Variants in GNA15 observed in about 807,000 individuals in gnomAD.
GNA15 encodes G protein subunit alpha 15.
A neutral mutation model predicts 40.1 loss-of-function variants in GNA15; 23 were observed. That is an observed-to-expected ratio of 0.57 (90% CI 0.41 to 0.81). GNA15 has a LOEUF of 0.81. GNA15 is among the 40% of genes least tolerant of loss of function. GNA15 has a pLI of 0.00. For missense variants in GNA15, 522 were observed against 515.8 expected, an observed-to-expected ratio of 1.01 and a Z score of -0.12; for synonymous variants, 226 against 210.4, an observed-to-expected ratio of 1.07 and a Z score of -0.64.
At chr19:3,161,471 C>G (rs1340376477) in intron 6 of GNA15, among the ~76,000 whole-genome samples, 2 of 152,142 alleles carry the variant, frequency 1.3e-5, no homozygotes, top group Non-Finnish European at 2.9e-5. Context: ...CTGGTCTTGT[C>G]ATGTCTCAGA....
At position 3,136,563 on chromosome 19, in the gene GNA15, A is replaced by G. The variant is rs369043343; in HGVS notation, c.113A>G (p.Gln38Arg). Residue 38 changes from glutamine (Q) to arginine (R), a missense_variant, in exon 1 of 7, where the codon CAG (glutamine) becomes CGG (arginine). Coordinates refer to ENST00000262958, the MANE Select transcript of GNA15 (RefSeq NM_002068.4). This position sits in a 1 kb window ranked among gnomAD's most constrained non-coding sequence, Gnocchi z 4.9. ...AGGATCCTCTTGGAGCAGAAGAAGC[A>G]GGACCGCGGGGAGCTGAAGCTGCTG... ...INRILLEQKK[Q>R]DRGELKLLLL... 1.0e-5 allele frequency: 16 copies of G among 1,566,154 alleles called. No homozygotes were observed. The African/African-American group carries it at 1.4e-4, about 13-fold the overall frequency.
intron 6 of GNA15, among the ~76,000 whole-genome samples, chr19:3,161,991 C>T (rs372610656): frequency 6.6e-6 from 1 of 151,768 alleles, no homozygotes; most frequent in Non-Finnish European, 1.5e-5. Flanking sequence ...TGAGATCATG[C>T]CACTTCACTC....
chr19:3,144,144 A>T (rs1352713655), intron 1 of GNA15, among the ~76,000 whole-genome samples: 1 of 149,926 alleles, frequency 6.7e-6, no homozygotes, highest in African/African-American at 2.5e-5. Context: ...AAAAAAAAAG[A>T]GTTGTCCCCC....
intron 1 of GNA15, among the ~76,000 whole-genome samples, chr19:3,145,359 A>ATATATATATATATATATT: frequency 3.6e-4 from 17 of 46,954 alleles, no homozygotes; most frequent in East Asian, 1.5e-3. Context: ...ATATATATAT[A>ATATATATATATATATATT]TTTTTTTTTT....
At chr19:3,145,359 A>ATATATTT in intron 1 of GNA15, among the ~76,000 whole-genome samples, 1,447 of 46,918 alleles carry the variant, frequency 0.031, 47 homozygotes, top group Middle Eastern at 0.045. Context: ...ATATATATAT[A>ATATATTT]TTTTTTTTTT....
intron 4 of GNA15, among the ~76,000 whole-genome samples, chr19:3,153,799 G>C (rs1490139429): frequency 6.6e-6 from 1 of 150,800 alleles, no homozygotes; most frequent in African/African-American, 2.4e-5. Flanking sequence ...TGGGTGGCAG[G>C]TGATGGATGA....
chr19:3,151,827 C>G lies in GNA15; in HGVS notation c.606C>G (p.Thr202=). The G allele has an allele frequency of 6.2e-7, 1 of 1,609,732 alleles. No individual in the cohort carries two copies. Among genetic ancestry groups the G allele is most frequent in the Non-Finnish European group, 8.5e-7 (1 of 1,178,090 alleles). ...INEYCFSVQK[T]NLRIVDVGGQ... ...AGTACTGCTTCTCCGTGCAGAAAAC[C>G]AACCTGCGGTGAGCGCTCCACCTAG... Residue 202 remains threonine, a synonymous_variant, in exon 4 of 7, where the codon ACC becomes ACG. Coordinates refer to ENST00000262958, the MANE Select transcript of GNA15 (RefSeq NM_002068.4). This position sits in a 1 kb window ranked among gnomAD's most constrained non-coding sequence, Gnocchi z 5.0.
intron 6 of GNA15, among the ~76,000 whole-genome samples, chr19:3,161,508 A>T (rs1442137569): frequency 6.6e-6 from 1 of 152,162 alleles, no homozygotes; most frequent in Non-Finnish European, 1.5e-5. Context: ...TTAGCCAATT[A>T]TACCCACAAG....
chr19:3,144,704 AT>A (rs969186426), intron 1 of GNA15, among the ~76,000 whole-genome samples: 7 of 146,480 alleles, frequency 4.8e-5, no homozygotes, highest in Admixed American at 2.7e-4. Context: ...AATTTTTTGT[AT>A]TTTTAGTAGA....
intron 4 of GNA15, among the ~76,000 whole-genome samples, chr19:3,152,560 CACCCTA>C (rs1199159087): frequency 4.6e-5 from 7 of 152,094 alleles, no homozygotes; most frequent in South Asian, 2.1e-4. Context: ...GCCAGTGCAG[CACCCTA>C]ACCCTAACCC....
chr19:3,150,939 G>T (rs1260729813), intron 3 of GNA15, among the ~76,000 whole-genome samples: 1 of 151,372 alleles, frequency 6.6e-6, no homozygotes, highest in Non-Finnish European at 1.5e-5. Flanking sequence ...TTTCCTGGGG[G>T]ATCCTGTTCT....
chr19:3,148,903 A>C, intron 2 of GNA15, 128 bp downstream of exon 2: 1 of 912,698 alleles, frequency 1.1e-6, no homozygotes, highest in Non-Finnish European at 1.6e-6. Context: ...CAGGCAGGGA[A>C]GGGTCCCCAG....
chr19:3,163,506 G>C lies in GNA15; in HGVS notation c.*487G>C, dbSNP rs971114712. 1.1e-4 allele frequency: 19 copies of C among 166,148 alleles called. No individual in the cohort carries two copies. The highest frequency in any genetic ancestry group is 4.6e-4 in the African/African-American group (19 of 41,726). The allele number at this position is 166,148 out of a possible 1,614,324, so 10.3% of individuals were successfully genotyped here. A position where few individuals can be genotyped will look rare whatever the true frequency, so the allele number is the denominator to read the frequency against. ...ACGCCTTCCAGGAACCTGTGGACTAGGGGTGCAGGGACTTCCCTTTGCAAG... is the reference window on the plus strand; with the variant it reads ...ACGCCTTCCAGGAACCTGTGGACTACGGGTGCAGGGACTTCCCTTTGCAAG... On this transcript the variant is annotated 3_prime_UTR_variant, in exon 7 of 7. Coordinates refer to ENST00000262958, the MANE Select transcript of GNA15 (RefSeq NM_002068.4).
Position 3,155,896 on chromosome 19 carries a change from A to C in GNA15, c.688A>C (p.Ile230Leu). Residue 230 changes from isoleucine to leucine, a missense_variant, in exon 5 of 7, where the codon ATC (isoleucine) becomes CTC (leucine). Coordinates refer to ENST00000262958, the MANE Select transcript of GNA15 (RefSeq NM_002068.4). This position sits in a 1 kb window ranked among gnomAD's most constrained non-coding sequence, Gnocchi z 5.6. ...IHCFENVIAL[I>L]YLASLSEYDQ... ...TTGTTTCGAGAACGTGATCGCCCTC[A>C]TCTACCTGGCCTCACTGAGTGAATA... 6.2e-7 allele frequency: 1 copy of C among 1,613,992 alleles called. No individual in the cohort carries two copies. The highest frequency in any genetic ancestry group is 8.5e-7 in the Non-Finnish European group (1 of 1,179,914).
intron 2 of GNA15, chr19:3,149,336 C>T: frequency 6.2e-6 from 1 of 161,418 alleles, no homozygotes. Flanking sequence ...TTCCCACATG[C>T]ACACACACAC....
intron 6 of GNA15, among the ~76,000 whole-genome samples, chr19:3,159,070 G>A (rs1915089787): frequency 6.6e-6 from 1 of 151,988 alleles, no homozygotes; most frequent in South Asian, 2.1e-4. Flanking sequence ...TGCTGCCCAG[G>A]CTGGAGTGCA....
intron 6 of GNA15, among the ~76,000 whole-genome samples, chr19:3,160,937 CTTTTTTTT>C (rs149959587): frequency 9.9e-5 from 10 of 101,446 alleles, no homozygotes; most frequent in Admixed American, 2.0e-4. Context: ...GGTATGACCA[CTTTTTTTT>C]TTTTTTTTTT....
rs984637614 is a variant in GNA15 at position 3,150,519 on chromosome 19, C to T, written c.485+234C>T. 2.6e-5 allele frequency among the ~76,000 whole-genome samples: 4 copies of T among 152,178 alleles called. No homozygotes were observed. In the South Asian group the frequency reaches 8.3e-4, roughly 32 times the overall value. On this transcript the variant is annotated intron_variant, in intron 3 of 6. Transcript: ENST00000262958. ...GAATGACCTTGTTCCTGGGTGGACCCTGTTCCTTGGGACTCTGTTCTGGCG... is the reference window on the plus strand; with the variant it reads ...GAATGACCTTGTTCCTGGGTGGACCTTGTTCCTTGGGACTCTGTTCTGGCG...
At chr19:3,157,577 A>T (rs1409944686) in intron 5 of GNA15, 151 bp from the exon 6 acceptor site, 1 of 649,244 alleles carries the variant, frequency 1.5e-6, no homozygotes, top group African/African-American at 1.8e-5. Flanking sequence ...AGCTGTCCAT[A>T]TGGAAACACG....
Sources: gnomAD v4.1 joint callset for allele counts (sites outside exome capture counted in the v4.1 genomes callset) on GRCh38, gnomAD v4.1.1 for gene constraint, Gnocchi (gnomAD v3.1) non-coding constraint, MANE v1.5 for transcripts, NCBI Gene and HGNC (gene_info 2026-07-23, HGNC 2026-07-21) for gene names.